VTI1A: variants seen among roughly 807,000 people sequenced by gnomAD.
The protein encoded by VTI1A is vesicle transport through interaction with t-SNAREs 1A, also known as vesicle transport through interaction with t-SNAREs homolog 1A.
Under a neutral mutation model 34.9 loss-of-function variants are expected in VTI1A, and 22 were observed. That is an observed-to-expected ratio of 0.63 (90% confidence interval 0.45 to 0.90). The LOEUF (loss-of-function observed/expected upper bound fraction) is 0.90. Ranked by LOEUF, VTI1A falls within the 40% of genes least tolerant of loss-of-function variation. The pLI, the probability that VTI1A is intolerant of heterozygous loss-of-function variation, is 0.00. For synonymous variants in VTI1A, 87 were observed against 97.3 expected (o/e 0.89, Z 0.62); for missense variants, 268 against 275.6 (o/e 0.97, Z 0.20).
intron 7 of VTI1A, chr10:112,671,733 T>C (rs1847856167): frequency 6.6e-6 from 1 of 152,122 alleles, no homozygotes; most frequent in Admixed American, 6.6e-5. Context: ...CAAAAGGAAT[T>C]GGAGAAATCA....
At chr10:112,534,666 C>T (rs1013918616) in intron 4 of VTI1A, among the ~76,000 whole-genome samples, 10 of 152,234 alleles carry the variant, frequency 6.6e-5, no homozygotes, top group Middle Eastern at 6.8e-3. Context: ...CAAAAACCCT[C>T]GCCCTCCAAC....
At chr10:112,684,417 A>G (rs969995350) in intron 7 of VTI1A, among the ~76,000 whole-genome samples, 4 of 151,124 alleles carry the variant, frequency 2.6e-5, no homozygotes, top group African/African-American at 4.9e-5. Flanking sequence ...GGCATCCTTG[A>G]AGATAATAAA....
At chr10:112,556,121 CTG>C (rs1263216294) in intron 5 of VTI1A, among the ~76,000 whole-genome samples, 2 of 151,912 alleles carry the variant, frequency 1.3e-5, no homozygotes, top group Non-Finnish European at 2.9e-5. Context: ...TGGAAATAAT[CTG>C]TGTAGATTGA....
chr10:112,836,923 C>T, the VTI1A span, among the ~76,000 whole-genome samples: 2 of 152,102 alleles, frequency 1.3e-5, no homozygotes, highest in African/African-American at 2.4e-5. Flanking sequence ...AAACATTGTT[C>T]AAAGGAATTG....
In VTI1A at chr10:112,604,912, A is replaced by T. The variant is rs180700529; in HGVS notation, c.428-63306A>T. Among the ~76,000 whole-genome samples the T allele has an allele frequency of 1.9e-3, 294 of 152,250 alleles. 2 individuals are homozygous for T. The highest frequency in any genetic ancestry group is 6.7e-3 in the African/African-American group (277 of 41,546). ...GGTAATCAAATGTGTCATAGTGAAC[A>T]TTGTGTTTAAATATATAATTCTGTA... On this transcript the variant is annotated intron_variant, in intron 5 of 7. Transcript: ENST00000393077.
chr10:112,631,428 T>C (rs1846127087), intron 5 of VTI1A, among the ~76,000 whole-genome samples: 1 of 152,172 alleles, frequency 6.6e-6, no homozygotes. Context: ...CCTTTTGTGC[T>C]CCACCTAACC....
chr10:112,852,541 G>T, the VTI1A span, among the ~76,000 whole-genome samples: 2 of 152,234 alleles, frequency 1.3e-5, no homozygotes, highest in Admixed American at 1.3e-4. Flanking sequence ...AGAAGTGAAG[G>T]CTCCTGAGGT....
chr10:112,735,420 A>G (rs543858846), intron 7 of VTI1A, among the ~76,000 whole-genome samples: 12 of 152,374 alleles, frequency 7.9e-5, no homozygotes, highest in African/African-American at 2.4e-4. Flanking sequence ...TGCCGAGTAA[A>G]CAATGCAAAT....
At chr10:112,661,134 C>A (rs976977821) in intron 5 of VTI1A, among the ~76,000 whole-genome samples, 1 of 152,192 alleles carries the variant, frequency 6.6e-6, no homozygotes, top group African/African-American at 2.4e-5. Context: ...GCATGTGCCA[C>A]CACACACGGC....
intron 7 of VTI1A, among the ~76,000 whole-genome samples, chr10:112,699,861 C>G (rs1848934631): frequency 6.7e-6 from 1 of 150,324 alleles, no homozygotes; most frequent in Admixed American, 6.6e-5. Context: ...TGGCTCACAC[C>G]TGTAATCCCA....
intron 7 of VTI1A, among the ~76,000 whole-genome samples, chr10:112,807,045 T>C (rs116316773): frequency 1.3e-3 from 191 of 152,320 alleles, no homozygotes; most frequent in African/African-American, 4.4e-3. Flanking sequence ...AATCAAAAGC[T>C]TCGGAAGACT....
chr10:112,642,977 C>CTTTTTTTTTTTTTTTTT (rs58619611), intron 5 of VTI1A, among the ~76,000 whole-genome samples: 14 of 121,016 alleles, frequency 1.2e-4, no homozygotes, highest in African/African-American at 2.2e-4. Context: ...TTTTTCTTTT[C>CTTTTTTTTTTTTTTTTT]TTTTTTTTTT....
Position 112,493,309 on chromosome 10 carries a change from T to C in VTI1A, c.264+28652T>C, listed in dbSNP as rs558102198. ...ACAATTGATTTTTGTATATTCATCTTGTATCCTGCAACCTTGCTGAACCCT... is the reference window on the plus strand; with the variant it reads ...ACAATTGATTTTTGTATATTCATCTCGTATCCTGCAACCTTGCTGAACCCT... On this transcript the variant is annotated intron_variant, in intron 3 of 7. Coordinates refer to ENST00000393077, the MANE Select transcript of VTI1A (RefSeq NM_145206.4). Among the ~76,000 whole-genome samples the C allele has an allele frequency of 1.2e-4, 18 of 151,832 alleles. No individual in the cohort carries two copies. In the South Asian group the frequency reaches 3.7e-3, roughly 31 times the overall value.
At chr10:112,736,111 GTATATA>G (rs372188173) in intron 7 of VTI1A, among the ~76,000 whole-genome samples, 54 of 116,190 alleles carry the variant, frequency 4.6e-4, no homozygotes, top group Non-Finnish European at 5.8e-4. Context: ...ATGTGTGTGT[GTATATA>G]TATATATATA....
At chr10:112,552,610 A>T (rs1016653404) in intron 5 of VTI1A, among the ~76,000 whole-genome samples, 2 of 119,952 alleles carry the variant, frequency 1.7e-5, no homozygotes, top group Admixed American at 7.5e-5. Context: ...AGACCTTTTA[A>T]AAAAAAAAAA....
intron 5 of VTI1A, among the ~76,000 whole-genome samples, chr10:112,647,529 T>C (rs138926444): frequency 2.6e-5 from 4 of 152,304 alleles, no homozygotes; most frequent in African/African-American, 7.2e-5. Context: ...AGCCCCAACA[T>C]GCAAAATGTT....
At chr10:112,458,347 G>A (rs1847610563) in intron 1 of VTI1A, among the ~76,000 whole-genome samples, 1 of 152,152 alleles carries the variant, frequency 6.6e-6, no homozygotes, top group Non-Finnish European at 1.5e-5. Flanking sequence ...TATTCTAACT[G>A]TAACTGTGTG....
intron 4 of VTI1A, among the ~76,000 whole-genome samples, chr10:112,537,116 T>G (rs758522485): frequency 6.6e-6 from 1 of 151,716 alleles, no homozygotes; most frequent in South Asian, 2.1e-4. Context: ...TAGAAAGCAT[T>G]TCTCCAATTT....
chr10:112,590,148 C>T (rs1844333120), intron 5 of VTI1A, among the ~76,000 whole-genome samples: 1 of 152,062 alleles, frequency 6.6e-6, no homozygotes, highest in Non-Finnish European at 1.5e-5. Flanking sequence ...TATTTTGAGT[C>T]CTAGCTAGGA....
Sources: gnomAD v4.1 joint callset for allele counts (sites outside exome capture counted in the v4.1 genomes callset) on GRCh38, gnomAD v4.1.1 for gene constraint, MANE v1.5 for transcripts, NCBI Gene and HGNC (gene_info 2026-07-23, HGNC 2026-07-21) for gene names.